Variants in CHST6 observed in about 807,000 individuals in gnomAD.
CHST6 encodes carbohydrate sulfotransferase 6.
For synonymous variants in CHST6, 309 were observed against 276.4 expected (o/e 1.12, Z -1.17); for missense variants, 698 against 586.2 (o/e 1.19, Z -1.97).
chr16:75,481,791 T>A, intron 2 of CHST6, 26 bp downstream of exon 2: 2 of 489,682 alleles, frequency 4.1e-6, no homozygotes, highest in South Asian at 3.1e-5. Context: ...AGCAGAGGAC[T>A]GTCCCGGCCA....
In CHST6 at chr16:75,491,171, AAAAAAAAAAAAAAAAAAAAAT is replaced by A. The variant is rs1158952756; in HGVS notation, c.-92+3748_-92+3768del. On this transcript the variant is annotated intron_variant, in intron 1 of 2. Coordinates refer to ENST00000332272, the MANE Select transcript of CHST6 (RefSeq NM_021615.5). ...CAAGAGTGAAACTCCGTCTTAAAAA[AAAAAAAAAAAAAAAAAAAAAT>A]ATATATATATATATATATATATATA... Among the ~76,000 whole-genome samples the A allele has an allele frequency of 1.0e-3, 70 of 66,816 alleles. 1 individual carries two copies. Among genetic ancestry groups the A allele is most frequent in the Admixed American group, 1.7e-3 (7 of 4,222 alleles). The allele number at this position is 66,816 out of a possible 152,430, so 43.8% of individuals were successfully genotyped here. A position where few individuals can be genotyped will look rare whatever the true frequency, so the allele number is the denominator to read the frequency against.
Position 75,479,211 on chromosome 16 carries a change from G to T in CHST6, c.618C>A (p.Ala206=). The T allele has an allele frequency of 1.2e-6, 2 of 1,609,612 alleles. No individual in the cohort carries two copies. The highest frequency in any genetic ancestry group is 1.1e-5 in the South Asian group (1 of 91,018). ...CTGTCTGCTCCCGGGAGCGCAGCAC[G>T]GCCCGCGGGTCGCGCACCAGGTGCA... is the stretch of plus-strand genomic sequence containing the variant. ...RIVHLVRDPR[A]VLRSREQTAK... is the part of the protein sequence containing the mutation. Residue 206 remains alanine, a synonymous_variant, in exon 3 of 3, where the codon GCC becomes GCA. Transcript: ENST00000332272.
chr16:75,482,244 G>A (rs1279157701), intron 1 of CHST6, among the ~76,000 whole-genome samples: 1 of 152,110 alleles, frequency 6.6e-6, no homozygotes, highest in African/African-American at 2.4e-5. Flanking sequence ...CAGCCCTTTC[G>A]TGGACCTTAA....
At chr16:75,481,359 G>A (rs1199203782) in intron 2 of CHST6, among the ~76,000 whole-genome samples, 1 of 152,134 alleles carries the variant, frequency 6.6e-6, no homozygotes, top group East Asian at 1.9e-4. Context: ...TTGGGAGGTT[G>A]AGGTGGGCAG....
Position 75,479,039 on chromosome 16 carries a change from G to T in CHST6, c.790C>A (p.Leu264Met). 6.2e-7 allele frequency: 1 copy of T among 1,609,284 alleles called. No homozygotes were observed. Among genetic ancestry groups the T allele is most frequent in the Non-Finnish European group, 8.5e-7 (1 of 1,179,776 alleles). Residue 264 changes from leucine to methionine, a missense_variant, in exon 3 of 3, where the codon CTG becomes ATG. Physicochemically the swap from Leu to Met is conservative, Grantham distance 15. Transcript: ENST00000332272. ...EAATLKPPPF[L>M]RGRYRLVRFE... is the part of the protein sequence containing the mutation. ...CGCACCAGGCGGTAGCGGCCGCGCAGAAAGGGTGGCGGCTTGAGTGTGGCG... is the reference window on the plus strand; with the variant it reads ...CGCACCAGGCGGTAGCGGCCGCGCATAAAGGGTGGCGGCTTGAGTGTGGCG...
rs543265436 is a variant in CHST6 at position 75,475,782 on chromosome 16, G to C, written c.*2859C>G. 2 of 152,360 alleles carry C rather than the reference G, an allele frequency of 1.3e-5. No individual in the cohort carries two copies. The highest frequency in any genetic ancestry group is 4.1e-4 in the South Asian group (2 of 4,830). The allele number at this position is 152,360 out of a possible 1,614,324, so 9.4% of individuals were successfully genotyped here. A position where few individuals can be genotyped will look rare whatever the true frequency, so the allele number is the denominator to read the frequency against. Reference sequence around the variant, plus strand: ...ATACAACAAAGGACTTGGATACCAAGAGGCCATTAATTGCAGCCATCAATA... The same window carrying C: ...ATACAACAAAGGACTTGGATACCAACAGGCCATTAATTGCAGCCATCAATA... On this transcript the variant is annotated 3_prime_UTR_variant, in exon 3 of 3. Coordinates refer to ENST00000332272, the MANE Select transcript of CHST6 (RefSeq NM_021615.5).
chr16:75,479,310 G>A lies in CHST6; in HGVS notation c.519C>T (p.Leu173=). The A allele has an allele frequency of 6.2e-7, 1 of 1,613,254 alleles. No homozygotes were observed. Among genetic ancestry groups the A allele is most frequent in the Middle Eastern group, 1.6e-4 (1 of 6,062 alleles). Residue 173 remains leucine (L), a synonymous_variant, in exon 3 of 3, where the codon CTC becomes CTT. Coordinates refer to ENST00000332272, the MANE Select transcript of CHST6 (RefSeq NM_021615.5). ...EACRSYSHVV[L]KEVRFFNLQV... is the part of the protein sequence containing the mutation. The stretch of plus-strand genomic sequence containing the variant: ...GCAGGTTGAAGAAGCGCACCTCCTT[G>A]AGCACCACGTGGCTGTAGGAGCGGC...
In CHST6 at chr16:75,478,750, G is replaced by A; in HGVS notation, c.1079C>T (p.Pro360Leu). The change falls in exon 3 of 3, where the codon CCT (proline) becomes CTT (leucine). Residue 360 changes from proline to leucine, a missense_variant. Coordinates refer to ENST00000332272, the MANE Select transcript of CHST6 (RefSeq NM_021615.5). ...AGALQLLGYR[P>L]VYSEDEQRNL... ...GCGCTGCTCGTCCTCAGAGTACACA[G>A]GCCGGTAGCCCAGCAGCTGCAGCGC... 6.2e-7 allele frequency: 1 copy of A among 1,613,558 alleles called. No homozygotes were observed. The highest frequency in any genetic ancestry group is 8.5e-7 in the Non-Finnish European group (1 of 1,180,020).
Position 75,475,140 on chromosome 16 carries a change from C to A in CHST6, c.*3501G>T, listed in dbSNP as rs534146891. ...CCCATTCACAAGGGCATAACCCGCA[C>A]GGCGTAATTTACTTTCCATCAAGCC... is the stretch of plus-strand genomic sequence containing the variant. On this transcript the variant is annotated 3_prime_UTR_variant, in exon 3 of 3. Coordinates refer to ENST00000332272, the MANE Select transcript of CHST6 (RefSeq NM_021615.5). 1 of 153,268 alleles carries A rather than the reference C, an allele frequency of 6.5e-6. No homozygotes were observed. Among genetic ancestry groups the A allele is most frequent in the Non-Finnish European group, 1.5e-5 (1 of 68,746 alleles). The allele number at this position is 153,268 out of a possible 1,614,324, so 9.5% of individuals were successfully genotyped here. A position where few individuals can be genotyped will look rare whatever the true frequency, so the allele number is the denominator to read the frequency against.
rs780265010 is a variant in CHST6, at chr16:75,479,756, G to T, written c.73C>A (p.Leu25Met). The change falls in exon 3 of 3, where the codon CTG becomes ATG. Residue 25 changes from leucine to methionine, a missense_variant. Transcript: ENST00000332272. ...GACGAGGGCCCTGGCCGGGAAACCA[G>T]AAAGAGGAGGAGGAAGGTCTGCGCC... The part of the protein sequence containing the change: ...LLAQTFLLLF[L>M]VSRPGPSSPA... 1 of 1,601,096 alleles carries T rather than the reference G, an allele frequency of 6.2e-7. No individual in the cohort carries two copies. Among genetic ancestry groups the T allele is most frequent in the Admixed American group, 1.7e-5 (1 of 57,592 alleles).
intron 1 of CHST6, 68 bp downstream of exon 1, chr16:75,494,872 C>T (rs973262346): frequency 6.6e-6 from 1 of 152,374 alleles, no homozygotes; most frequent in African/African-American, 2.4e-5. Context: ...CCAGCTGTGC[C>T]ACCAGCCCGG....
chr16:75,493,066 T>C (rs2080272871), intron 1 of CHST6, among the ~76,000 whole-genome samples: 2 of 152,080 alleles, frequency 1.3e-5, no homozygotes, highest in Admixed American at 1.3e-4. Flanking sequence ...TCTGGACCCA[T>C]TTCCCCGCCC....
At chr16:75,480,584 A>T (rs200025395) in intron 2 of CHST6, among the ~76,000 whole-genome samples, 219 of 138,782 alleles carry the variant, frequency 1.6e-3, no homozygotes, top group African/African-American at 5.2e-3. Context: ...TTTTTTTTTT[A>T]AATAGACAGG....
chr16:75,489,443 G>T (rs2151672511), intron 1 of CHST6, among the ~76,000 whole-genome samples: 1 of 151,694 alleles, frequency 6.6e-6, no homozygotes, highest in African/African-American at 2.4e-5. Context: ...GGACTTGCGG[G>T]AAGAATTCAC....
intron 1 of CHST6, among the ~76,000 whole-genome samples, chr16:75,485,504 C>G (rs1210182997): frequency 6.6e-6 from 1 of 152,172 alleles, no homozygotes; most frequent in African/African-American, 2.4e-5. Context: ...GCAAAACACT[C>G]CAGCTCACAG....
intron 1 of CHST6, among the ~76,000 whole-genome samples, chr16:75,485,405 G>A (rs2080185142): frequency 6.6e-6 from 1 of 152,150 alleles, no homozygotes; most frequent in South Asian, 2.1e-4. Context: ...GTTCAAGGTT[G>A]CAGTGAGTTA....
Position 75,473,574 on chromosome 16 carries a change from C to T in CHST6, c.*5067G>A, listed in dbSNP as rs910679277. The stretch of plus-strand genomic sequence containing the variant: ...AGAAGCAGAAAGTGCAGGAAAAGTT[C>T]AGGTTTCCCTCCCCTTTTCTGCCTA... On this transcript the variant is annotated 3_prime_UTR_variant, in exon 3 of 3. Transcript: ENST00000332272. 5.3e-5 allele frequency: 8 copies of T among 152,182 alleles called. No homozygotes were observed. The highest frequency in any genetic ancestry group is 1.9e-4 in the African/African-American group (8 of 41,448). The allele number at this position is 152,182 out of a possible 1,614,324, so 9.4% of individuals were successfully genotyped here.
Position 75,478,962 on chromosome 16 carries a change from G to C in CHST6, c.867C>G (p.Ala289=). 3 of 1,613,056 alleles carry C rather than the reference G, an allele frequency of 1.9e-6. No individual in the cohort carries two copies. The highest frequency in any genetic ancestry group is 2.5e-6 in the Non-Finnish European group (3 of 1,179,964). Residue 289 remains alanine, a synonymous_variant, in exon 3 of 3, where the codon GCC becomes GCG. Transcript: ENST00000332272. ...GTGGCGTGAGACTGAGCCCAGTGAA[G>C]GCGTAGAGCGCACGGATTTCTGCCA... The part of the protein sequence containing the change: ...EPLAEIRALY[A]FTGLSLTPQL...
intron 1 of CHST6, among the ~76,000 whole-genome samples, chr16:75,494,603 G>T (rs932145021): frequency 1.3e-5 from 2 of 152,166 alleles, no homozygotes; most frequent in African/African-American, 4.8e-5. Context: ...AAATCAACCC[G>T]CCAAGCTACC....
Sources: allele counts gnomAD v4.1 joint callset (sites outside exome capture counted in the v4.1 genomes callset), GRCh38; gene constraint gnomAD v4.1.1; transcripts MANE v1.5; gene names NCBI Gene and HGNC (gene_info 2026-07-23, HGNC 2026-07-21).